Variants in EPHB1 observed in about 807,000 individuals in gnomAD.
EPHB1 encodes the protein EPH receptor B1, also known as ephrin type-B receptor 1.
EPHB1 carries 30 observed loss-of-function variants against 94.4 expected under a neutral mutation model. The ratio of observed to expected loss-of-function variants is 0.32; its 90% confidence interval spans 0.24 to 0.43. The LOEUF (loss-of-function observed/expected upper bound fraction) is 0.43, where lower values mean the gene tolerates loss of function less well. Ranked by LOEUF, EPHB1 falls within the 20% of genes least tolerant of loss-of-function variation. The pLI, the probability that EPHB1 is intolerant of heterozygous loss-of-function variation, is 1.00. For synonymous variants in EPHB1, 522 were observed against 489.1 expected (o/e 1.07, Z -0.89); for missense variants, 1,055 against 1,308.3 (o/e 0.81, Z 2.99).
intron 1 of EPHB1, among the ~76,000 whole-genome samples, chr3:134,882,746 CTTCCTTT>C (rs1311753433): frequency 0.066 from 4,378 of 66,824 alleles, 123 homozygotes; most frequent in South Asian, 0.11. Flanking sequence ...TTCCTTCTTT[CTTCCTTT>C]CTTCCTTCCT....
intron 1 of EPHB1, among the ~76,000 whole-genome samples, chr3:134,822,356 A>T (rs947030790): frequency 2.0e-5 from 3 of 151,440 alleles, no homozygotes; most frequent in Non-Finnish European, 2.9e-5. Flanking sequence ...GCCTCTCTCA[A>T]CTCCCGTGAT....
intron 4 of EPHB1, among the ~76,000 whole-genome samples, chr3:135,129,089 C>T (rs956113147): frequency 2.0e-5 from 3 of 152,048 alleles, no homozygotes; most frequent in Admixed American, 6.5e-5. Context: ...CCTGTTCATG[C>T]GCCACAGATG....
chr3:135,098,805 T>C (rs1368626482), intron 3 of EPHB1, among the ~76,000 whole-genome samples: 1 of 151,978 alleles, frequency 6.6e-6, no homozygotes, highest in African/African-American at 2.4e-5. Flanking sequence ...TGTGGTCAGG[T>C]GCTCAGAACA....
intron 3 of EPHB1, among the ~76,000 whole-genome samples, chr3:135,015,309 C>T (rs1030075634): frequency 2.0e-5 from 3 of 151,668 alleles, no homozygotes; most frequent in Admixed American, 2.0e-4. Flanking sequence ...GGCATGATCT[C>T]GGCTCACTGC....
At chr3:134,979,623 T>C (rs1405504289) in intron 3 of EPHB1, among the ~76,000 whole-genome samples, 1 of 152,040 alleles carries the variant, frequency 6.6e-6, no homozygotes, top group Admixed American at 6.6e-5. Flanking sequence ...GTTCAACTTA[T>C]GATTTTTCAA....
At chr3:134,811,242 G>GTTTTTTTTTTATTTTTTTTTTTTT in intron 1 of EPHB1, among the ~76,000 whole-genome samples, 1 of 73,850 alleles carries the variant, frequency 1.4e-5, no homozygotes, top group Non-Finnish European at 2.7e-5. Flanking sequence ...TACTAAGAAG[G>GTTTTTTTTTTATTTTTTTTTTTTT]TTTTTTTTTT....
At chr3:134,819,308 T>A (rs1241754907) in intron 1 of EPHB1, among the ~76,000 whole-genome samples, 2 of 152,068 alleles carry the variant, frequency 1.3e-5, no homozygotes, top group African/African-American at 4.8e-5. Context: ...CATTTGTGCA[T>A]AGGTGTCTTT....
intron 3 of EPHB1, among the ~76,000 whole-genome samples, chr3:135,105,668 C>G (rs1939188359): frequency 6.6e-6 from 1 of 152,150 alleles, no homozygotes; most frequent in South Asian, 2.1e-4. Context: ...CATATGAGGG[C>G]CCCTCCAGTG....
intron 1 of EPHB1, among the ~76,000 whole-genome samples, chr3:134,889,834 C>T (rs1192654146): frequency 6.6e-6 from 1 of 151,898 alleles, no homozygotes; most frequent in African/African-American, 2.4e-5. Flanking sequence ...CCCGCCACCA[C>T]ACCCGGCTAA....
chr3:134,917,823 C>T (rs760064913), intron 1 of EPHB1, among the ~76,000 whole-genome samples: 28 of 152,198 alleles, frequency 1.8e-4, no homozygotes, highest in Non-Finnish European at 3.2e-4. Context: ...TTCCATTTGC[C>T]TAGCATTTTA....
chr3:135,226,847 AAG>A (rs1943416075), intron 12 of EPHB1, among the ~76,000 whole-genome samples: 1 of 152,200 alleles, frequency 6.6e-6, no homozygotes, highest in Non-Finnish European at 1.5e-5. Flanking sequence ...GAAAAAAAAA[AAG>A]AAATCATGTC....
At chr3:134,827,435 A>C (rs990210680) in intron 1 of EPHB1, among the ~76,000 whole-genome samples, 9 of 152,204 alleles carry the variant, frequency 5.9e-5, no homozygotes, top group Non-Finnish European at 1.2e-4. Context: ...AGTACTGTGC[A>C]GTACTAGTTT....
intron 4 of EPHB1, among the ~76,000 whole-genome samples, chr3:135,112,789 T>C (rs1012447650): frequency 2.0e-5 from 3 of 152,030 alleles, no homozygotes; most frequent in Non-Finnish European, 4.4e-5. Context: ...CAGTCTATCA[T>C]TGATGGACAT....
At chr3:135,047,533 C>G (rs1937036454) in intron 3 of EPHB1, among the ~76,000 whole-genome samples, 1 of 152,216 alleles carries the variant, frequency 6.6e-6, no homozygotes, top group African/African-American at 2.4e-5. Context: ...CTCTGCAGGA[C>G]TGACTGACCT....
At chr3:135,133,137 C>A in intron 5 of EPHB1, 88 bp downstream of exon 5, 9 of 1,315,154 alleles carry the variant, frequency 6.8e-6, no homozygotes, top group East Asian at 2.4e-5. Context: ...CACACCCATC[C>A]TGCCCGTGTA....
At chr3:134,916,601 G>A (rs564915424) in intron 1 of EPHB1, among the ~76,000 whole-genome samples, 7 of 152,338 alleles carry the variant, frequency 4.6e-5, no homozygotes, top group African/African-American at 9.6e-5. Flanking sequence ...CTGCTGGCCC[G>A]GGTGCTAAGC....
chr3:134,917,676 CT>C lies in EPHB1; in HGVS notation c.59-8139del, dbSNP rs552431892. Among the ~76,000 whole-genome samples, 23 of 152,308 alleles carry C rather than the reference CT, an allele frequency of 1.5e-4. No individual in the cohort carries two copies. The South Asian group carries it at 4.6e-3, about 30-fold the overall frequency. On this transcript the variant is annotated intron_variant, in intron 1 of 15. Transcript: ENST00000398015. ...ACAGTTTGTTTTATAATTTAAATGC[CT>C]GTTCAGACTCATTCAATCAGTCAGT...
chr3:135,018,002 A>T (rs1169930824), intron 3 of EPHB1, among the ~76,000 whole-genome samples: 1 of 151,830 alleles, frequency 6.6e-6, no homozygotes, highest in Non-Finnish European at 1.5e-5. Flanking sequence ...CTGGACTGTG[A>T]GGGGGGGCAT....
chr3:135,220,929 G>T (rs748498247), intron 12 of EPHB1, among the ~76,000 whole-genome samples: 36 of 152,246 alleles, frequency 2.4e-4, no homozygotes, highest in Non-Finnish European at 3.4e-4. Flanking sequence ...CAAAATCCAG[G>T]GCTTTCTGGC....
Sources: allele counts gnomAD v4.1 joint callset (sites outside exome capture counted in the v4.1 genomes callset), GRCh38; gene constraint gnomAD v4.1.1; transcripts MANE v1.5; gene names NCBI Gene and HGNC (gene_info 2026-07-23, HGNC 2026-07-21).